The following SYVN1 variants were observed in gnomAD, a reference collection of about 807,000 sequenced individuals.
SYVN1 encodes E3 ubiquitin-protein ligase synoviolin.
A neutral mutation model predicts 62.6 loss-of-function variants in SYVN1; 17 were observed. The ratio of observed to expected loss-of-function variants is 0.27; its 90% CI spans 0.19 to 0.41. SYVN1 has a LOEUF of 0.41. Ranked by LOEUF, SYVN1 falls within the 10% of genes least tolerant of loss-of-function variation. The probability of loss-of-function intolerance (pLI) is 1.00; values close to 1 mark genes in which losing one functional copy is unlikely to be tolerated. For synonymous variants in SYVN1, 316 were observed against 304.0 expected, an observed-to-expected ratio of 1.04 and a Z score of -0.41; for missense variants, 634 against 818.0, an observed-to-expected ratio of 0.78 and a Z score of 2.74.
chr11:65,132,608 A>G (rs1948195591), intron 5 of SYVN1, 124 bp downstream of exon 5: 1 of 1,187,700 alleles, frequency 8.4e-7, no homozygotes, highest in African/African-American at 1.5e-5. Flanking sequence ...CAGCACAGAG[A>G]CTATGCAAAT....
At chr11:65,129,968 C>A (rs758359736) in intron 13 of SYVN1, 34 bp downstream of exon 13, 1 of 1,600,132 alleles carries the variant, frequency 6.2e-7, no homozygotes, top group Non-Finnish European at 8.5e-7. Context: ...CCAACCTCAC[C>A]CCCAAGAAGA....
chr11:65,131,835 C>A (rs1948184507), intron 6 of SYVN1, among the ~76,000 whole-genome samples: 1 of 152,166 alleles, frequency 6.6e-6, no homozygotes, highest in Non-Finnish European at 1.5e-5. Flanking sequence ...TATTGTCTTG[C>A]TGAATAAGAG....
intron 5 of SYVN1, 50 bp from the exon 6 acceptor site, chr11:65,132,401 A>G (rs1181773640): frequency 1.5e-6 from 2 of 1,309,392 alleles, no homozygotes; most frequent in Admixed American, 1.7e-5. Context: ...CCAGGGCCCA[A>G]CAGCTGTTTA....
chr11:65,133,738 C>A, intron 1 of SYVN1, 120 bp from the exon 2 acceptor site: 1 of 804,068 alleles, frequency 1.2e-6, no homozygotes, highest in South Asian at 1.7e-5. Flanking sequence ...CCCTCGAAAT[C>A]ATCAGACAAA....
Position 65,130,662 on chromosome 11 carries a change from T to C in SYVN1, c.1103A>G (p.Asn368Ser), listed in dbSNP as rs772458526. 5.6e-6 allele frequency: 6 copies of C among 1,074,894 alleles called. 1 individual carries two copies. The highest frequency in any genetic ancestry group is 5.1e-5 in the East Asian group (1 of 19,614). 66.6% of individuals were successfully genotyped at this position (1,074,894 alleles called of 1,614,324 possible). A position where few individuals can be genotyped will look rare whatever the true frequency, so the allele number is the denominator to read the frequency against. ...TGGCCAGACAAGGGGATACTCACAG[T>C]TGGGGGGCTGAGGCAAGAGTGGTGG... ...HPPPLLPQPP[N>S]FPQGLLPPFP... is the part of the protein sequence containing the mutation. Residue 368 changes from asparagine (N) to serine (S), a missense_variant and splice_region_variant, in exon 11 of 16, where the codon AAC (asparagine) becomes AGC (serine). By Grantham distance (46) the Asn-to-Ser change is conservative. Coordinates refer to ENST00000377190, the MANE Select transcript of SYVN1 (RefSeq NM_172230.3).
In SYVN1 at chr11:65,129,797, G is replaced by A. The variant is rs776464696; in HGVS notation, c.1527C>T (p.Asn509=). Residue 509 remains asparagine, a synonymous_variant, in exon 14 of 16, where the codon AAC becomes AAT. Transcript: ENST00000377190. ...TGGCGGCGTCCAGCAGTGTGTGGAT[G>A]TTACGCAGGCTCTGCAGCCGGGCCT... ...HLEARLQSLR[N]IHTLLDAAML... 9.3e-6 allele frequency: 15 copies of A among 1,614,124 alleles called. No homozygotes were observed. In the African/African-American group the frequency reaches 1.3e-4, roughly 14 times the overall value.
chr11:65,128,285 C>A lies in SYVN1; in HGVS notation c.*97G>T. ...TTCTCAGAGCTGGGGGTACTACTCC[C>A]TGGTGCAGACAGAGAGGGAGCTGGC... On this transcript the variant is annotated 3_prime_UTR_variant, in exon 16 of 16. Transcript: ENST00000377190. 2 of 1,014,962 alleles carry A rather than the reference C, an allele frequency of 2.0e-6. No individual in the cohort carries two copies. The highest frequency in any genetic ancestry group is 1.4e-5 in the South Asian group (1 of 72,982). 62.9% of individuals were successfully genotyped at this position (1,014,962 alleles called of 1,614,324 possible). A position where few individuals can be genotyped will look rare whatever the true frequency, so the allele number is the denominator to read the frequency against.
chr11:65,128,528 C>T (rs1040538978), intron 15 of SYVN1, 35 bp downstream of exon 15: 2 of 1,613,148 alleles, frequency 1.2e-6, no homozygotes, highest in South Asian at 1.1e-5. Flanking sequence ...TAGAGAAGTT[C>T]CCTGCTCCCC....
Position 65,133,082 on chromosome 11 carries a change from C to G in SYVN1, c.226-8G>C. The G allele has an allele frequency of 3.7e-6, 6 of 1,614,158 alleles. No individual in the cohort carries two copies. The highest frequency in any genetic ancestry group is 5.1e-6 in the Non-Finnish European group (6 of 1,180,014). On this transcript the variant is annotated splice_region_variant and splice_polypyrimidine_tract_variant and intron_variant, in intron 3 of 15. Transcript: ENST00000377190. Reference sequence around the variant, plus strand: ...GGAACGTTCCAGAAGGTGCTGGGGGCCAGGCAGGGAATAATGTGGATACCA... The same window carrying G: ...GGAACGTTCCAGAAGGTGCTGGGGGGCAGGCAGGGAATAATGTGGATACCA...
At chr11:65,130,888 C>A (rs898850039) in intron 10 of SYVN1, 32 bp downstream of exon 10, 2 of 1,613,042 alleles carry the variant, frequency 1.2e-6, no homozygotes. Context: ...GGCCTGTGCC[C>A]TGCTGTGCAG....
At position 65,127,944 on chromosome 11, in the gene SYVN1, G is replaced by A. The variant is rs146334736; in HGVS notation, c.*438C>T. 208 of 191,358 alleles carry A rather than the reference G, an allele frequency of 1.1e-3. No individual in the cohort carries two copies. Among genetic ancestry groups the A allele is most frequent in the South Asian group, 4.1e-3 (38 of 9,204 alleles). The allele number at this position is 191,358 out of a possible 1,614,324, so 11.9% of individuals were successfully genotyped here. A position where few individuals can be genotyped will look rare whatever the true frequency, so the allele number is the denominator to read the frequency against. On this transcript the variant is annotated 3_prime_UTR_variant, in exon 16 of 16. Transcript: ENST00000377190. ...GTACCAGTCTTAGGGGTGGGCCAGCGAGCAAGTTCATAGCTTGCCTCCAGC... is the reference window on the plus strand; with the variant it reads ...GTACCAGTCTTAGGGGTGGGCCAGCAAGCAAGTTCATAGCTTGCCTCCAGC...
At chr11:65,132,595 G>T in intron 5 of SYVN1, 137 bp downstream of exon 5, 3 of 1,111,550 alleles carry the variant, frequency 2.7e-6, no homozygotes, top group Non-Finnish European at 4.1e-6. Context: ...CCCTAGAGTG[G>T]AACAGCACAG....
chr11:65,128,712 G>T lies in SYVN1; in HGVS notation c.1598C>A (p.Pro533His), dbSNP rs199800821. ...GTTGACTGAAGTGGCAGGCCGGGGG[G>T]GCCTGGGAAGAGAAGGGACGAGAGG... is the stretch of plus-strand genomic sequence containing the variant. ...QYLTVLASLG[P>H]PRPATSVNST... Residue 533 changes from proline (P) to histidine (H), a missense_variant and splice_region_variant, in exon 15 of 16, where the codon CCC becomes CAC. Transcript: ENST00000377190. 47 of 1,605,710 alleles carry T rather than the reference G, an allele frequency of 2.9e-5. No homozygotes were observed. The highest frequency in any genetic ancestry group is 6.7e-5 in the East Asian group (3 of 44,620).
In SYVN1 at chr11:65,129,847, C is replaced by T; in HGVS notation, c.1477G>A (p.Glu493Lys). 6.2e-7 allele frequency: 1 copy of T among 1,614,182 alleles called. No homozygotes were observed. Among genetic ancestry groups the T allele is most frequent in the Non-Finnish European group, 8.5e-7 (1 of 1,180,038 alleles). ...TCCAGGTGCTGCCGCTCATGGCCCT[C>T]CAGAGCTCGTAGCTCCTCTGGGGTC... The part of the protein sequence containing the change: ...GLTPEELRAL[E>K]GHERQHLEAR... The change falls in exon 14 of 16, where the codon GAG (glutamate) becomes AAG (lysine). Residue 493 changes from glutamate to lysine, a missense_variant. Physicochemically the swap from Glu to Lys is moderately conservative, Grantham distance 56 (BLOSUM62 1). Coordinates refer to ENST00000377190, the MANE Select transcript of SYVN1 (RefSeq NM_172230.3).
chr11:65,132,426 C>T, intron 5 of SYVN1, 75 bp from the exon 6 acceptor site: 2 of 1,056,606 alleles, frequency 1.9e-6, no homozygotes, highest in South Asian at 2.6e-5. Flanking sequence ...TCTAGGACAG[C>T]CCCACCCTCA....
At position 65,131,261 on chromosome 11, in the gene SYVN1, G is replaced by A; in HGVS notation, c.758+13C>T. On this transcript the variant is annotated intron_variant, in intron 8 of 15. Coordinates refer to ENST00000377190, the MANE Select transcript of SYVN1 (RefSeq NM_172230.3). ...ATCAGGTCAGGAGGATCGGGGGACAGGGCCGGGCTCACCTCATGGCCAGGT... is the reference window on the plus strand; with the variant it reads ...ATCAGGTCAGGAGGATCGGGGGACAAGGCCGGGCTCACCTCATGGCCAGGT... The A allele has an allele frequency of 6.2e-7, 1 of 1,614,022 alleles. No individual in the cohort carries two copies. Among genetic ancestry groups the A allele is most frequent in the Non-Finnish European group, 8.5e-7 (1 of 1,179,870 alleles).
chr11:65,130,862 G>C (rs199793049), intron 10 of SYVN1, 39 bp from the exon 11 acceptor site: 145 of 1,607,572 alleles, frequency 9.0e-5, no homozygotes, highest in African/African-American at 2.7e-5. Flanking sequence ...CAGGTCCCTA[G>C]GGGCCTGCCT....
chr11:65,131,527 T>G lies in SYVN1; in HGVS notation c.601A>C (p.Ser201Arg). Reference sequence around the variant, plus strand: ...GCCTTGTTGTCCCAGGGGTTCTCACTCTGGAGGTCCACGGAGTGCAGCACA... The same window carrying G: ...GCCTTGTTGTCCCAGGGGTTCTCACGCTGGAGGTCCACGGAGTGCAGCACA... Reference protein sequence around the residue: ...KYVLHSVDLQSENPWDNKAVY... With the variant: ...KYVLHSVDLQRENPWDNKAVY... The change falls in exon 7 of 16, where the codon AGT (serine) becomes CGT (arginine). Residue 201 changes from serine to arginine, a missense_variant. Transcript: ENST00000377190. The G allele has an allele frequency of 6.2e-7, 1 of 1,614,000 alleles. No individual in the cohort carries two copies. The highest frequency in any genetic ancestry group is 1.1e-5 in the South Asian group (1 of 91,074).
Position 65,132,303 on chromosome 11 carries a change from G to C in SYVN1, c.476C>G (p.Ala159Gly). 6.2e-7 allele frequency: 1 copy of C among 1,614,170 alleles called. No individual in the cohort carries two copies. Residue 159 changes from alanine (A) to glycine (G), a missense_variant, in exon 6 of 16, where the codon GCC (alanine) becomes GGC (glycine). Physicochemically the swap from Ala to Gly is moderately conservative, Grantham distance 60. Around this residue, in one of 2 missense-constraint regions of SYVN1, gnomAD observed 283 missense variants for 444.7 expected, o/e 0.64. Coordinates refer to ENST00000377190, the MANE Select transcript of SYVN1 (RefSeq NM_172230.3). Reference sequence around the variant, plus strand: ...CCCACGGGTCAGGATGCTGTGATAGGCGTGGCTGACGAAGAGGAAGTCCAG... The same window carrying C: ...CCCACGGGTCAGGATGCTGTGATAGCCGTGGCTGACGAAGAGGAAGTCCAG... The part of the protein sequence containing the change: ...GILDFLFVSH[A>G]YHSILTRGAS...
Sources: gnomAD v4.1 joint callset for allele counts (sites outside exome capture counted in the v4.1 genomes callset) on GRCh38, gnomAD v4.1.1 for gene constraint, gnomAD v4.1.1 regional missense constraint, MANE v1.5 for transcripts, NCBI Gene and HGNC (gene_info 2026-07-23, HGNC 2026-07-21) for gene names.